The following CSMD1 variants were observed in gnomAD, a reference collection of about 807,000 sequenced individuals.
CSMD1 encodes CUB and Sushi multiple domains 1, also known as CUB and sushi domain-containing protein 1.
In CSMD1, 213 loss-of-function variants were observed where a neutral mutation model predicts 417.5. The observed-to-expected ratio is 0.51, with a 90% CI of 0.46 to 0.57. The LOEUF (loss-of-function observed/expected upper bound fraction) is 0.57, where lower values mean the gene tolerates loss of function less well. Among genes scored for constraint, CSMD1 ranks in the 20% least tolerant of loss-of-function variants. The pLI, the probability that CSMD1 is intolerant of heterozygous loss-of-function variation, is 0.00. For synonymous variants in CSMD1, 2,862 were observed against 1,736.8 expected, an observed-to-expected ratio of 1.65 and a Z score of -16.11; for missense variants, 6,923 against 4,529.7, an observed-to-expected ratio of 1.53 and a Z score of -15.17.
At chr8:2,972,541 G>A (rs1203506835) in intron 57 of CSMD1, among the ~76,000 whole-genome samples, 1 of 152,162 alleles carries the variant, frequency 6.6e-6, no homozygotes, top group Non-Finnish European at 1.5e-5. Flanking sequence ...ACAGTGCAGT[G>A]TCTATAAGGT....
intron 1 of CSMD1, among the ~76,000 whole-genome samples, chr8:4,848,130 A>G (rs1801251609): frequency 6.6e-6 from 1 of 152,206 alleles, no homozygotes; most frequent in African/African-American, 2.4e-5. Flanking sequence ...AGGTTCATCC[A>G]TGCTGCAGCA....
At chr8:3,415,541 C>T (rs1813076859) in intron 12 of CSMD1, among the ~76,000 whole-genome samples, 1 of 152,100 alleles carries the variant, frequency 6.6e-6, no homozygotes, top group African/African-American at 2.4e-5. Flanking sequence ...TATTTTTTAG[C>T]AGCGATGGAG....
At chr8:3,254,869 C>G (rs1449997358) in intron 26 of CSMD1, among the ~76,000 whole-genome samples, 2 of 152,142 alleles carry the variant, frequency 1.3e-5, no homozygotes, top group Admixed American at 6.5e-5. Context: ...CTTCTCTCAA[C>G]TTGTCAAAGT....
chr8:4,158,678 T>C (rs1258194231), intron 3 of CSMD1, among the ~76,000 whole-genome samples: 4 of 152,082 alleles, frequency 2.6e-5, no homozygotes, highest in African/African-American at 9.7e-5. Context: ...TAATGAGTAT[T>C]ATGGGCCAGC....
At chr8:4,193,348 C>G (rs1055309902) in intron 3 of CSMD1, among the ~76,000 whole-genome samples, 1 of 152,162 alleles carries the variant, frequency 6.6e-6, no homozygotes. Context: ...AAAAAATACT[C>G]AATATATACT....
intron 3 of CSMD1, among the ~76,000 whole-genome samples, chr8:4,114,338 C>A (rs1802019859): frequency 6.6e-6 from 1 of 152,160 alleles, no homozygotes; most frequent in African/African-American, 2.4e-5. Context: ...CTGTTTACAG[C>A]ACGGTTAATG....
At chr8:4,083,552 C>T (rs916216503) in intron 3 of CSMD1, among the ~76,000 whole-genome samples, 1 of 152,294 alleles carries the variant, frequency 6.6e-6, no homozygotes. Context: ...TTACAACTGT[C>T]TGATCTTTGA....
intron 3 of CSMD1, among the ~76,000 whole-genome samples, chr8:4,076,830 T>A (rs964769184): frequency 3.9e-5 from 6 of 152,172 alleles, no homozygotes; most frequent in African/African-American, 1.4e-4. Context: ...TGCCTTTGCT[T>A]TAACTGCTAA....
At chr8:4,202,679 T>C (rs940048741) in intron 3 of CSMD1, among the ~76,000 whole-genome samples, 3 of 152,204 alleles carry the variant, frequency 2.0e-5, no homozygotes, top group African/African-American at 7.2e-5. Flanking sequence ...CATAAAACTT[T>C]CAGTGAAAGA....
intron 7 of CSMD1, among the ~76,000 whole-genome samples, chr8:3,684,930 C>A (rs1410927450): frequency 1.3e-5 from 2 of 152,054 alleles, no homozygotes; most frequent in African/African-American, 2.4e-5. Context: ...AAGCACTTGG[C>A]CAAAGTGGAC....
chr8:4,246,142 A>T (rs538041951), intron 3 of CSMD1, among the ~76,000 whole-genome samples: 1 of 152,092 alleles, frequency 6.6e-6, no homozygotes, highest in Non-Finnish European at 1.5e-5. Context: ...TAAGCCTAGT[A>T]CCCATTATTT....
intron 42 of CSMD1, among the ~76,000 whole-genome samples, chr8:3,111,774 G>C (rs1816533160): frequency 6.6e-6 from 1 of 152,100 alleles, no homozygotes; most frequent in South Asian, 2.1e-4. Flanking sequence ...AGAGGGTGTA[G>C]TAAGCCGAGA....
chr8:4,804,435 G>C (rs943991545), intron 1 of CSMD1, among the ~76,000 whole-genome samples: 1 of 151,694 alleles, frequency 6.6e-6, no homozygotes, highest in African/African-American at 2.4e-5. Flanking sequence ...TAAATTGCCA[G>C]TCATATACAG....
intron 3 of CSMD1, among the ~76,000 whole-genome samples, chr8:4,147,857 G>A (rs781255160): frequency 5.9e-5 from 9 of 152,068 alleles, no homozygotes; most frequent in Non-Finnish European, 1.2e-4. Context: ...TCTGGAAATG[G>A]TAGCTGAGCT....
rs145233318 is a variant in CSMD1 at position 4,438,312 on chromosome 8, T to C, written c.303-18247A>G. On this transcript the variant is annotated intron_variant, in intron 2 of 69. Transcript: ENST00000635120. ...CCTGAATGCTCATGGAGGTGGTGTC[T>C]GAAGCAGCACCAAATCTCCAGTCTC... 4.6e-3 allele frequency among the ~76,000 whole-genome samples: 705 copies of C among 152,306 alleles called. 10 individuals are homozygous for C. The highest frequency in any genetic ancestry group is 0.016 in the African/African-American group (681 of 41,574).
At chr8:4,164,559 C>G (rs981994933) in intron 3 of CSMD1, among the ~76,000 whole-genome samples, 3 of 152,112 alleles carry the variant, frequency 2.0e-5, no homozygotes, top group African/African-American at 7.2e-5. Context: ...AGCCACCAAG[C>G]CCCGCCCAAA....
intron 1 of CSMD1, among the ~76,000 whole-genome samples, chr8:4,917,503 G>A (rs1015244576): frequency 3.9e-5 from 6 of 152,060 alleles, no homozygotes; most frequent in Admixed American, 1.3e-4. Context: ...GCATGGTGGC[G>A]GGTGCCTGTA....
chr8:4,183,083 T>C (rs1028998291), intron 3 of CSMD1, among the ~76,000 whole-genome samples: 1 of 152,176 alleles, frequency 6.6e-6, no homozygotes, highest in East Asian at 1.9e-4. Context: ...CACACTCATA[T>C]CACAGCGACA....
At chr8:3,250,105 C>T (rs1276560489) in intron 26 of CSMD1, among the ~76,000 whole-genome samples, 2 of 152,146 alleles carry the variant, frequency 1.3e-5, no homozygotes, top group African/African-American at 2.4e-5. Context: ...ATGTGCACAA[C>T]GTGCAGGTTT....
Sources: gnomAD v4.1 joint callset for allele counts (sites outside exome capture counted in the v4.1 genomes callset) on GRCh38, gnomAD v4.1.1 for gene constraint, MANE v1.5 for transcripts, NCBI Gene and HGNC (gene_info 2026-07-23, HGNC 2026-07-21) for gene names.